Variants in ZNF33B observed in about 807,000 individuals in gnomAD.
ZNF33B encodes zinc finger protein 11b (KOX 2).
ZNF33B carries 29 observed loss-of-function variants against 45.8 expected under a neutral mutation model. That is an observed-to-expected ratio of 0.63 (90% CI 0.47 to 0.86). ZNF33B has a LOEUF of 0.86. Among genes scored for constraint, ZNF33B ranks in the 40% least tolerant of loss-of-function variants. The pLI is 0.00. For synonymous variants in ZNF33B, 305 were observed against 307.8 expected, an observed-to-expected ratio of 0.99 and a Z score of 0.10; for missense variants, 831 against 909.9, an observed-to-expected ratio of 0.91 and a Z score of 1.12.
intron 2 of ZNF33B, 95 bp from the exon 3 acceptor site, chr10:42,632,534 T>C: frequency 6.8e-7 from 1 of 1,469,044 alleles, no homozygotes; most frequent in Non-Finnish European, 9.1e-7. Flanking sequence ...GCTTTATACT[T>C]TTAGGGAAAA....
rs1837317546 is a variant in ZNF33B at position 42,594,610 on chromosome 10, G to T, written c.340C>A (p.Leu114Met). Residue 114 changes from leucine to methionine, a missense_variant, in exon 5 of 5, where the codon CTG becomes ATG. Leu to Met is a conservative substitution (Grantham distance 15). Transcript: ENST00000359467. ...WEVVFINNEM[L>M]TKEQGNVIGI... The stretch of plus-strand genomic sequence containing the variant: ...ATTACATTACCTTGTTCCTTAGTCA[G>T]CATTTCATTATTGATGAATACAACT... 1 of 1,610,438 alleles carries T rather than the reference G, an allele frequency of 6.2e-7. No individual in the cohort carries two copies. The highest frequency in any genetic ancestry group is 8.5e-7 in the Non-Finnish European group (1 of 1,178,982).
At chr10:42,638,032 G>T (rs1046259094) in intron 1 of ZNF33B, among the ~76,000 whole-genome samples, 4 of 152,242 alleles carry the variant, frequency 2.6e-5, no homozygotes, top group African/African-American at 9.6e-5. Context: ...AAGATGGGGT[G>T]ATGGACATGA....
At chr10:42,577,428 C>T (rs1367849774) in intron 1 of ZNF33B, among the ~76,000 whole-genome samples, 1 of 152,174 alleles carries the variant, frequency 6.6e-6, no homozygotes, top group Non-Finnish European at 1.5e-5. Context: ...CCTGTGACCT[C>T]CTCACTTAGT....
intron 4 of ZNF33B, among the ~76,000 whole-genome samples, chr10:42,618,578 TTCACCAGCACTTGTATTA>T (rs1589055442): frequency 6.6e-6 from 1 of 152,186 alleles, no homozygotes; most frequent in East Asian, 1.9e-4. Flanking sequence ...TCTCTAAATC[TTCACCAGCACTTGTATTA>T]TCACTTTTAT....
chr10:42,574,942 C>T (rs369319572), intron 1 of ZNF33B, among the ~76,000 whole-genome samples: 1 of 152,288 alleles, frequency 6.6e-6, no homozygotes, highest in East Asian at 1.9e-4. Flanking sequence ...GATGCCTCTA[C>T]ATTACAGTTT....
intron 4 of ZNF33B, among the ~76,000 whole-genome samples, chr10:42,597,927 T>G (rs373440222): frequency 6.6e-6 from 1 of 152,208 alleles, no homozygotes; most frequent in East Asian, 1.9e-4. Context: ...GCTTCATGAT[T>G]TGCATATAAT....
chr10:42,609,145 GTGGCTC>G (rs1206556213), intron 4 of ZNF33B, among the ~76,000 whole-genome samples: 1 of 152,226 alleles, frequency 6.6e-6, no homozygotes, highest in Non-Finnish European at 1.5e-5. Flanking sequence ...GTGGGATGCA[GTGGCTC>G]ATGCCTGTAA....
chr10:42,576,327 T>C (rs1836749217), intron 1 of ZNF33B, among the ~76,000 whole-genome samples: 1 of 152,222 alleles, frequency 6.6e-6, no homozygotes, highest in African/African-American at 2.4e-5. Flanking sequence ...TACATATTGA[T>C]TTTTAGCTAA....
chr10:42,593,225 G>T lies in ZNF33B; in HGVS notation c.1725C>A (p.His575Gln). 1 of 1,613,784 alleles carries T rather than the reference G, an allele frequency of 6.2e-7. No individual in the cohort carries two copies. The highest frequency in any genetic ancestry group is 8.5e-7 in the Non-Finnish European group (1 of 1,179,968). Residue 575 changes from histidine to glutamine, a missense_variant, in exon 5 of 5, where the codon CAC becomes CAA. By Grantham distance (24) the His-to-Gln change is conservative. Transcript: ENST00000359467. ...GACATTCATAGGGTTTCTCCCCCGT[G>T]TGTGTTCTATAATGTTGAGAGAGGG... ...KSTLSQHYRT[H>Q]TGEKPYECHE...
chr10:42,607,828 CA>C (rs1205143593), intron 4 of ZNF33B, among the ~76,000 whole-genome samples: 2 of 152,010 alleles, frequency 1.3e-5, no homozygotes, highest in Non-Finnish European at 2.9e-5. Flanking sequence ...GTTAAAAAAT[CA>C]TAAGTCAAAC....
chr10:42,624,884 C>CACAGTTG (rs1285923674), intron 4 of ZNF33B, among the ~76,000 whole-genome samples: 1 of 152,010 alleles, frequency 6.6e-6, no homozygotes, highest in African/African-American at 2.4e-5. Flanking sequence ...ATTTTTGAAC[C>CACAGTTG]ACAGTTGACC....
At chr10:42,620,225 A>C (rs1025152002) in intron 4 of ZNF33B, among the ~76,000 whole-genome samples, 4 of 151,712 alleles carry the variant, frequency 2.6e-5, no homozygotes, top group African/African-American at 9.7e-5. Context: ...TTGAAAAAAA[A>C]AAAAAAAAAT....
intron 4 of ZNF33B, among the ~76,000 whole-genome samples, chr10:42,615,334 T>C (rs1332453157): frequency 6.6e-6 from 1 of 152,190 alleles, no homozygotes; most frequent in Non-Finnish European, 1.5e-5. Flanking sequence ...GTCCATCCAC[T>C]GACAAATGGA....
rs187438335 is a variant in ZNF33B, at chr10:42,604,621, C to T, written c.251-9922G>A. Among the ~76,000 whole-genome samples the T allele has an allele frequency of 2.2e-3, 330 of 151,342 alleles. 1 individual carries two copies. Among genetic ancestry groups the T allele is most frequent in the African/African-American group, 6.4e-3 (263 of 41,286 alleles). On this transcript the variant is annotated intron_variant, in intron 4 of 4. Coordinates refer to ENST00000359467, the MANE Select transcript of ZNF33B (RefSeq NM_006955.3). Reference sequence around the variant, plus strand: ...TGGAAAACTCACTAGAATGACTCAACAAAAGACTTGGCCAGGTGGGGTGGC... The same window carrying T: ...TGGAAAACTCACTAGAATGACTCAATAAAAGACTTGGCCAGGTGGGGTGGC...
At chr10:42,624,520 T>C (rs537533952) in intron 4 of ZNF33B, among the ~76,000 whole-genome samples, 11 of 152,288 alleles carry the variant, frequency 7.2e-5, no homozygotes, top group Admixed American at 7.2e-4. Flanking sequence ...ATAAATACTG[T>C]TTTTTCCTAA....
intron 2 of ZNF33B, 80 bp from the exon 3 acceptor site, chr10:42,632,519 G>A (rs1306737541): frequency 6.6e-7 from 1 of 1,526,474 alleles, no homozygotes; most frequent in Non-Finnish European, 8.8e-7. Flanking sequence ...CAGAATATTT[G>A]TTTTGCTTTA....
rs560825681 is a variant in ZNF33B at position 42,611,646 on chromosome 10, C to A, written c.251-16947G>T. On this transcript the variant is annotated intron_variant, in intron 4 of 4. Coordinates refer to ENST00000359467, the MANE Select transcript of ZNF33B (RefSeq NM_006955.3). ...TTTGCTACCAAGTACAAAGTAAAGA[C>A]AACAAAATGCCAACCCACAAATGGG... is the stretch of plus-strand genomic sequence containing the variant. Among the ~76,000 whole-genome samples the A allele has an allele frequency of 2.5e-4, 38 of 152,240 alleles. No individual in the cohort carries two copies. The South Asian group carries it at 4.4e-3, about 17-fold the overall frequency.
intron 4 of ZNF33B, among the ~76,000 whole-genome samples, chr10:42,599,369 A>AT (rs1837530850): frequency 6.6e-6 from 1 of 151,482 alleles, no homozygotes. Context: ...TCTTTTCTAC[A>AT]TTCTCAAAGT....
chr10:42,604,921 C>CAA (rs199627927), intron 4 of ZNF33B, among the ~76,000 whole-genome samples: 3 of 92,368 alleles, frequency 3.2e-5, no homozygotes, highest in East Asian at 5.4e-4. Context: ...AATTTCATCT[C>CAA]AAAAAAAAAA....
Sources: gnomAD v4.1 joint callset for allele counts (sites outside exome capture counted in the v4.1 genomes callset) on GRCh38, gnomAD v4.1.1 for gene constraint, MANE v1.5 for transcripts, NCBI Gene and HGNC (gene_info 2026-07-23, HGNC 2026-07-21) for gene names.